Variants in COL4A4 observed in about 807,000 individuals in gnomAD.
The protein encoded by COL4A4 is collagen alpha-4(IV) chain.
A neutral mutation model predicts 192.9 loss-of-function variants in COL4A4; 105 were observed. That is an observed-to-expected ratio of 0.54 (90% CI 0.46 to 0.64). The LOEUF (loss-of-function observed/expected upper bound fraction) is 0.64, where lower values mean the gene tolerates loss of function less well. COL4A4 is among the 30% of genes least tolerant of loss of function. The probability of loss-of-function intolerance (pLI) is 0.00; values close to 1 mark genes in which losing one functional copy is unlikely to be tolerated. For synonymous variants in COL4A4, 762 were observed against 769.9 expected (o/e 0.99, Z 0.17); for missense variants, 1,967 against 2,169.3 (o/e 0.91, Z 1.85).
intron 25 of COL4A4, among the ~76,000 whole-genome samples, chr2:227,076,713 T>A (rs1198678963): frequency 6.6e-6 from 1 of 152,120 alleles, no homozygotes; most frequent in African/African-American, 2.4e-5. Flanking sequence ...ACCTACAGAA[T>A]GGGAGAAAAT....
the COL4A4 span, among the ~76,000 whole-genome samples, chr2:226,983,311 A>G: frequency 6.6e-6 from 1 of 152,166 alleles, no homozygotes; most frequent in Admixed American, 6.5e-5. Context: ...AGCATCTAGT[A>G]TTTAGCCCTT....
At position 227,094,160 on chromosome 2, in the gene COL4A4, C is replaced by G. The variant is rs548019779; in HGVS notation, c.1334G>C (p.Gly445Ala). Residue 445 changes from glycine (G) to alanine (A), a missense_variant, in exon 20 of 48, where the codon GGA becomes GCA. Coordinates refer to ENST00000396625, the MANE Select transcript of COL4A4 (RefSeq NM_000092.5). ...PGKPGSPGLP[G>A]APGLQGLPGS... ...TGGGAGGCCCTGCAGGCCTGGTGCT[C>G]CAGGCAAGCCAGGTGATCCTGGCTT... 3.1e-5 allele frequency: 50 copies of G among 1,613,568 alleles called. No individual in the cohort carries two copies. The Admixed American group carries it at 5.2e-4, about 17-fold the overall frequency.
intron 1 of COL4A4, among the ~76,000 whole-genome samples, chr2:227,156,279 T>G (rs112202777): frequency 0.049 from 7,381 of 151,744 alleles, 231 homozygotes; most frequent in Admixed American, 0.087. Context: ...CGTGCCTGTA[T>G]TCTCAGCTAC....
chr2:227,071,628 A>G (rs1276237407), intron 25 of COL4A4, among the ~76,000 whole-genome samples: 3 of 152,142 alleles, frequency 2.0e-5, no homozygotes, highest in Admixed American at 1.3e-4. Context: ...ACATTCTCCA[A>G]GATAGACCAT....
chr2:226,974,823 C>T, the COL4A4 span, among the ~76,000 whole-genome samples: 18,908 of 152,122 alleles, frequency 0.12, 1,286 homozygotes, highest in African/African-American at 0.17. Context: ...ACGGTGTCAT[C>T]GTATAATTGG....
At chr2:227,086,391 T>G (rs564154839) in intron 22 of COL4A4, among the ~76,000 whole-genome samples, 8 of 152,198 alleles carry the variant, frequency 5.3e-5, no homozygotes, top group African/African-American at 1.9e-4. Context: ...CTCCTTTCCC[T>G]TCTTTTCTTC....
chr2:227,010,540 G>T (rs1963440384), intron 45 of COL4A4, 39 bp from the exon 46 acceptor site: 5 of 1,475,860 alleles, frequency 3.4e-6, no homozygotes, highest in Non-Finnish European at 9.0e-7. Flanking sequence ...GCAGGTTAGG[G>T]GGTTTGGTTT....
rs878883220 is a variant in COL4A4, at chr2:227,010,352, A to G, written c.4483T>C (p.Tyr1495His). The change falls in exon 46 of 48, where the codon TAC (tyrosine) becomes CAC (histidine). Residue 1495 changes from tyrosine (Y) to histidine (H), a missense_variant. Physicochemically the swap from Tyr to His is moderately conservative, Grantham distance 83 (BLOSUM62 2). Transcript: ENST00000396625. ...PRLWTGYSLL[Y>H]LEGQEKAHNQ... ...TGAGCTTTCTCTTGCCCTTCCAGGT[A>G]TAACAGACTATACCCAGTCCAGAGC... 2.5e-6 allele frequency: 4 copies of G among 1,614,216 alleles called. No individual in the cohort carries two copies. The South Asian group carries it at 4.4e-5, about 18-fold the overall frequency.
At chr2:227,030,368 G>A (rs551158049) in intron 41 of COL4A4, 75 bp downstream of exon 41, 45 of 1,476,542 alleles carry the variant, frequency 3.0e-5, no homozygotes, top group South Asian at 1.0e-4. Context: ...TAGAAATGGC[G>A]GCACAGTACC....
At chr2:227,132,468 C>T (rs1040068859) in intron 4 of COL4A4, among the ~76,000 whole-genome samples, 1 of 152,094 alleles carries the variant, frequency 6.6e-6, no homozygotes, top group African/African-American at 2.4e-5. Flanking sequence ...TATTATTATT[C>T]GTTGCCATTA....
chr2:227,064,921 T>C (rs934330361), intron 25 of COL4A4, among the ~76,000 whole-genome samples: 1 of 152,104 alleles, frequency 6.6e-6, no homozygotes, highest in African/African-American at 2.4e-5. Context: ...AGTCTACAGC[T>C]CCCAGCGCGC....
the COL4A4 span, among the ~76,000 whole-genome samples, chr2:226,970,881 G>A: frequency 1.3e-5 from 2 of 152,120 alleles, no homozygotes; most frequent in Non-Finnish European, 1.5e-5. Flanking sequence ...GGACATTTGA[G>A]GACCTTCGTG....
intron 12 of COL4A4, among the ~76,000 whole-genome samples, chr2:227,107,263 G>T (rs2060901736): frequency 6.6e-6 from 1 of 152,172 alleles, no homozygotes; most frequent in Non-Finnish European, 1.5e-5. Context: ...TGTCACAATT[G>T]GAGGGACGGG....
rs777256419 is a variant in COL4A4 at position 227,030,498 on chromosome 2, T to C, written c.3918A>G (p.Pro1306=). Residue 1306 remains proline (P), a synonymous_variant, in exon 41 of 48, where the codon CCA becomes CCG. Coordinates refer to ENST00000396625, the MANE Select transcript of COL4A4 (RefSeq NM_000092.5). Reference sequence around the variant, plus strand: ...GAAAGCCTTTGTATCCTGGAGGGCCTGGTGGGCCAGGGGGACCTGGTGGCC... The same window carrying C: ...GAAAGCCTTTGTATCCTGGAGGGCCCGGTGGGCCAGGGGGACCTGGTGGCC... ...LPGPPGPPGP[P]GPPGYKGFPG... The C allele has an allele frequency of 1.2e-6, 2 of 1,614,066 alleles. No individual in the cohort carries two copies. The highest frequency in any genetic ancestry group is 4.5e-5 in the East Asian group (2 of 44,880).
intron 44 of COL4A4, among the ~76,000 whole-genome samples, chr2:227,015,010 T>C (rs1300106942): frequency 1.3e-5 from 2 of 150,902 alleles, no homozygotes; most frequent in Non-Finnish European, 3.0e-5. Context: ...GTGATTCTCC[T>C]GCCTCAGCCT....
At chr2:227,008,831 A>T (rs1962813455) in intron 46 of COL4A4, among the ~76,000 whole-genome samples, 1 of 152,158 alleles carries the variant, frequency 6.6e-6, no homozygotes, top group Admixed American at 6.5e-5. Flanking sequence ...CAGTGCAGGG[A>T]CTATGAGGAG....
chr2:227,075,777 C>A (rs933326239), intron 25 of COL4A4, among the ~76,000 whole-genome samples: 2 of 152,156 alleles, frequency 1.3e-5, no homozygotes, highest in East Asian at 1.9e-4. Flanking sequence ...AGCTAAGCAA[C>A]TTCAGCAAAG....
At chr2:227,088,919 C>A in intron 21 of COL4A4, 103 bp from the exon 22 acceptor site, 1 of 1,340,928 alleles carries the variant, frequency 7.5e-7, no homozygotes, top group East Asian at 2.3e-5. Flanking sequence ...AACAAAGAGT[C>A]CGATATGCAC....
intron 22 of COL4A4, 98 bp from the exon 23 acceptor site, chr2:227,082,285 CTT>C: frequency 9.0e-7 from 1 of 1,110,030 alleles, no homozygotes; most frequent in Non-Finnish European, 1.4e-6. Flanking sequence ...TCCTAAATCT[CTT>C]GTTAAAGATT....
Sources: allele counts gnomAD v4.1 joint callset (sites outside exome capture counted in the v4.1 genomes callset), GRCh38; gene constraint gnomAD v4.1.1; transcripts MANE v1.5; gene names NCBI Gene and HGNC (gene_info 2026-07-23, HGNC 2026-07-21).